The following WDR81 variants were observed in gnomAD, a reference collection of about 807,000 sequenced individuals.
WDR81 encodes the protein WD repeat domain 81, also known as WD repeat-containing protein 81.
In WDR81, 92 loss-of-function variants were observed where a neutral mutation model predicts 140.8. The ratio of observed to expected loss-of-function variants is 0.65; its 90% CI spans 0.55 to 0.78. WDR81 has a LOEUF of 0.78. Ranked by LOEUF, WDR81 falls within the 30% of genes least tolerant of loss-of-function variation. WDR81 has a pLI of 0.00. For synonymous variants in WDR81, 1,183 were observed against 1,156.4 expected (o/e 1.02, Z -0.47); for missense variants, 2,502 against 2,636.4 (o/e 0.95, Z 1.12).
At chr17:1,723,404 AT>A (rs1914982169), upstream of WDR81, among the ~76,000 whole-genome samples, 1 of 144,288 alleles carries the variant, frequency 6.9e-6, no homozygotes, top group Non-Finnish European at 1.5e-5. Context: ...TTTTTATTTT[AT>A]TTTATTTATT....
Position 1,725,298 on chromosome 17 carries a change from G to C in WDR81, c.339G>C (p.Arg113=). ...TGGAGGTGCATGGGCTGCGGAAGCG[G>C]AGACTGTCCTACCCTCTGGGCGGGG... is the stretch of plus-strand genomic sequence containing the variant. ...TRVEVHGLRK[R]RLSYPLGGGL... Residue 113 remains arginine, a synonymous_variant, in exon 1 of 10, where the codon CGG becomes CGC. Coordinates refer to ENST00000409644, the MANE Select transcript of WDR81 (RefSeq NM_001163809.2). The C allele has an allele frequency of 6.5e-7, 1 of 1,547,852 alleles. No individual in the cohort carries two copies.
Position 1,737,725 on chromosome 17 carries a change from C to T in WDR81, c.*40C>T, listed in dbSNP as rs2151179553. The T allele has an allele frequency of 6.4e-7, 1 of 1,558,612 alleles. No homozygotes were observed. Among genetic ancestry groups the T allele is most frequent in the Non-Finnish European group, 8.7e-7 (1 of 1,155,522 alleles). On this transcript the variant is annotated 3_prime_UTR_variant, in exon 10 of 10. Transcript: ENST00000409644. ...TGGCCGGGCAAGGGTGGGAAGACAT[C>T]TGCGGGCGCGTGTCCACTCACCCTG...
Position 1,737,939 on chromosome 17 carries a change from A to C in WDR81, c.*254A>C. On this transcript the variant is annotated 3_prime_UTR_variant, in exon 10 of 10. Coordinates refer to ENST00000409644, the MANE Select transcript of WDR81 (RefSeq NM_001163809.2). ...CAGGGCTCCTAGCAAGCAGGAAGTT[A>C]AGAGCAGGAGGAAGCGTTGCTACCT... 1 of 582,716 alleles carries C rather than the reference A, an allele frequency of 1.7e-6. No individual in the cohort carries two copies. Among genetic ancestry groups the C allele is most frequent in the Non-Finnish European group, 3.0e-6 (1 of 330,236 alleles). 36.1% of individuals were successfully genotyped at this position (582,716 alleles called of 1,614,324 possible). A position where few individuals can be genotyped will look rare whatever the true frequency, so the allele number is the denominator to read the frequency against.
chr17:1,725,555 C>A lies in WDR81; in HGVS notation c.596C>A (p.Pro199His). 1 of 1,545,108 alleles carries A rather than the reference C, an allele frequency of 6.5e-7. No homozygotes were observed. Among genetic ancestry groups the A allele is most frequent in the Non-Finnish European group, 8.7e-7 (1 of 1,146,968 alleles). ...CCAGTGGGTGAAACTACCCAATGCC[C>A]TTCATATGCCAGAGAAGGCCCCTGC... ...FLPVGETTQC[P>H]SYAREGPCPP... is the part of the protein sequence containing the mutation. The change falls in exon 1 of 10, where the codon CCT (proline) becomes CAT (histidine). Residue 199 changes from proline to histidine, a missense_variant. Transcript: ENST00000409644.
intron 7 of WDR81, among the ~76,000 whole-genome samples, chr17:1,734,665 A>G (rs1302501549): frequency 2.0e-5 from 3 of 151,634 alleles, no homozygotes; most frequent in Non-Finnish European, 4.4e-5. Flanking sequence ...TGTACTCCCA[A>G]CTACACAGGA....
At chr17:1,730,981 G>T (rs1181309885) in intron 3 of WDR81, 36 bp downstream of exon 3, 1 of 1,608,988 alleles carries the variant, frequency 6.2e-7, no homozygotes, top group Non-Finnish European at 8.5e-7. Flanking sequence ...GGGCTGGGAA[G>T]GCTGAGGACC....
chr17:1,720,547 C>T (rs1466505299), upstream of WDR81, among the ~76,000 whole-genome samples: 8 of 152,158 alleles, frequency 5.3e-5, no homozygotes, highest in African/African-American at 1.9e-4. Context: ...GAGGCGGAGG[C>T]GGGCGGATCA....
Position 1,727,623 on chromosome 17 carries a change from G to A in WDR81, c.2664G>A (p.Gln888=). 1 of 1,550,592 alleles carries A rather than the reference G, an allele frequency of 6.4e-7. No individual in the cohort carries two copies. The change falls in exon 1 of 10, where the codon CAG becomes CAA. Residue 888 remains glutamine (Q), a synonymous_variant. Transcript: ENST00000409644. ...TGCACAGATTCATCCTCCTGTACCAGGCAAGGCGTGTGGAGGACGAGGCCC... is the reference window on the plus strand; with the variant it reads ...TGCACAGATTCATCCTCCTGTACCAAGCAAGGCGTGTGGAGGACGAGGCCC... ...PALHRFILLY[Q]ARRVEDEAQG... is the part of the protein sequence containing the mutation.
At chr17:1,736,008 G>A (rs540264261) in intron 8 of WDR81, 31 bp from the exon 9 acceptor site, 2 of 1,562,608 alleles carry the variant, frequency 1.3e-6, no homozygotes, top group African/African-American at 2.7e-5. Flanking sequence ...TGGGAAGGTG[G>A]TGCCTCAGCT....
intron 7 of WDR81, among the ~76,000 whole-genome samples, chr17:1,734,994 G>A (rs1300488222): frequency 1.3e-5 from 2 of 151,978 alleles, no homozygotes; most frequent in African/African-American, 2.4e-5. Flanking sequence ...GAGCCTGGCC[G>A]GGCCATGGAA....
rs935150144 is a variant in WDR81 at position 1,725,495 on chromosome 17, A to G, written c.536A>G (p.Gln179Arg). The change falls in exon 1 of 10, where the codon CAG becomes CGG. Residue 179 changes from glutamine to arginine, a missense_variant. Coordinates refer to ENST00000409644, the MANE Select transcript of WDR81 (RefSeq NM_001163809.2). ...GTCCCTGCCTTGGACTCAGTACGGC[A>G]GGCTCTGCAGAGGGTCTATGGTTGC... ...SAVPALDSVR[Q>R]ALQRVYGCSF... 8.4e-6 allele frequency: 13 copies of G among 1,547,326 alleles called. No individual in the cohort carries two copies. The highest frequency in any genetic ancestry group is 4.1e-5 in the African/African-American group (3 of 73,062).
In WDR81 at chr17:1,725,007, C is replaced by A; in HGVS notation, c.48C>A (p.Ala16=). 6.8e-7 allele frequency: 1 copy of A among 1,470,614 alleles called. No individual in the cohort carries two copies. The highest frequency in any genetic ancestry group is 2.5e-5 in the Admixed American group (1 of 39,404). The allele number at this position is 1,470,614 out of a possible 1,614,324, so 91.1% of individuals were successfully genotyped here. Residue 16 remains alanine (A), a synonymous_variant, in exon 1 of 10, where the codon GCC becomes GCA. Transcript: ENST00000409644. ...GGGAAGGCGCTCTCAGAACCCCGGC[C>A]GGGGGCTGGCATTCCCCGCCAAGCC... ...GGREGALRTP[A]GGWHSPPSPD...
At position 1,733,780 on chromosome 17, in the gene WDR81, A is replaced by T. The variant is rs3809871; in HGVS notation, c.4743A>T (p.Pro1581=). ...PNDSRPENPG[P]LGPISGVGGG... ...ACTCTCGGCCTGAGAACCCCGGACC[A>T]CTGGGCCCCATCTCGGGGGTGGGTG... is the stretch of plus-strand genomic sequence containing the variant. The change falls in exon 7 of 10, where the codon CCA becomes CCT. Residue 1581 remains proline, a synonymous_variant. Transcript: ENST00000409644. The T allele has an allele frequency of 2.5e-6, 4 of 1,611,956 alleles. No individual in the cohort carries two copies. The highest frequency in any genetic ancestry group is 2.5e-6 in the Non-Finnish European group (3 of 1,179,552).
chr17:1,734,087 A>T lies in WDR81; in HGVS notation c.5050A>T (p.Thr1684Ser). Residue 1684 changes from threonine (T) to serine (S), a missense_variant, in exon 7 of 10, where the codon ACC becomes TCC. Physicochemically the swap from Thr to Ser is moderately conservative, Grantham distance 58. Coordinates refer to ENST00000409644, the MANE Select transcript of WDR81 (RefSeq NM_001163809.2). ...GCCGCTGTACAACTACGGCGACGGG[A>T]CCAGCGAGACGGCCCCACGCCTCGT... ...LWPLYNYGDG[T>S]SETAPRLVYT... is the part of the protein sequence containing the mutation. 1 of 1,579,500 alleles carries T rather than the reference A, an allele frequency of 6.3e-7. No homozygotes were observed. Among genetic ancestry groups the T allele is most frequent in the Non-Finnish European group, 8.6e-7 (1 of 1,167,696 alleles).
chr17:1,737,906 T>G lies in WDR81; in HGVS notation c.*221T>G. The G allele has an allele frequency of 1.6e-6, 1 of 619,540 alleles. No homozygotes were observed. The highest frequency in any genetic ancestry group is 2.8e-6 in the Non-Finnish European group (1 of 359,302). The allele number at this position is 619,540 out of a possible 1,614,324, so 38.4% of individuals were successfully genotyped here. On this transcript the variant is annotated 3_prime_UTR_variant, in exon 10 of 10. Transcript: ENST00000409644. ...TGCCAGAGGGGTCTCATTCATGGCT[T>G]GGGGACACAGGGCTCCTAGCAAGCA... is the stretch of plus-strand genomic sequence containing the variant.
chr17:1,725,514 T>C lies in WDR81; in HGVS notation c.555T>C (p.Tyr185=). ...DSVRQALQRV[Y]GCSFLPVGET... ...TACGGCAGGCTCTGCAGAGGGTCTA[T>C]GGTTGCTCCTTCCTGCCAGTGGGTG... Residue 185 remains tyrosine, a synonymous_variant, in exon 1 of 10, where the codon TAT becomes TAC. Coordinates refer to ENST00000409644, the MANE Select transcript of WDR81 (RefSeq NM_001163809.2). 2.6e-6 allele frequency: 4 copies of C among 1,546,270 alleles called. No individual in the cohort carries two copies. The highest frequency in any genetic ancestry group is 2.4e-5 in the South Asian group (2 of 84,070).
rs192478799 is a variant in WDR81 at position 1,735,502 on chromosome 17, G to A, written c.5180-70G>A. ...GGAGGCAGGTGTGCGGTGAGTTGGG[G>A]GATTAGAAGCTCCCAGGGCTCTTCC... On this transcript the variant is annotated intron_variant, in intron 7 of 9. Transcript: ENST00000409644. The surrounding 1 kb of genome is among the most constrained non-coding windows in gnomAD (Gnocchi z 4.2). 1.4e-3 allele frequency: 2,071 copies of A among 1,450,652 alleles called. 3 individuals are homozygous for A. The highest frequency in any genetic ancestry group is 1.8e-3 in the Non-Finnish European group (1,919 of 1,087,316). The allele number at this position is 1,450,652 out of a possible 1,614,324, so 89.9% of individuals were successfully genotyped here.
In WDR81 at chr17:1,734,546, T is replaced by C. The variant is rs886924085; in HGVS notation, c.5179+330T>C. ...CTGTAATCCCAGCACTTTGGGAGGC[T>C]GAGGCGGGTGGATCACGAGGTCAGG... On this transcript the variant is annotated intron_variant, in intron 7 of 9. Coordinates refer to ENST00000409644, the MANE Select transcript of WDR81 (RefSeq NM_001163809.2). Among the ~76,000 whole-genome samples the C allele has an allele frequency of 4.6e-5, 7 of 151,568 alleles. No individual in the cohort carries two copies. The South Asian group carries it at 1.3e-3, about 27-fold the overall frequency.
At chr17:1,716,836 G>A in intron 1 of WDR81, 2 of 637,554 alleles carry the variant, frequency 3.1e-6, no homozygotes, top group East Asian at 2.8e-5. Context: ...AGCCCCCAGG[G>A]CAGCAGAGAC....
Sources: allele counts gnomAD v4.1 joint callset (sites outside exome capture counted in the v4.1 genomes callset), GRCh38; gene constraint gnomAD v4.1.1; non-coding constraint Gnocchi (gnomAD v3.1); transcripts MANE v1.5; gene names NCBI Gene and HGNC (gene_info 2026-07-23, HGNC 2026-07-21).